GALNTL6: variants seen among roughly 807,000 people sequenced by gnomAD.
GALNTL6 encodes the protein polypeptide N-acetylgalactosaminyltransferase like 6.
GALNTL6 carries 46 observed loss-of-function variants against 73.7 expected under a neutral mutation model. The observed-to-expected ratio is 0.62, with a 90% confidence interval of 0.49 to 0.80. The LOEUF (loss-of-function observed/expected upper bound fraction) is 0.80. Ranked by LOEUF, GALNTL6 falls within the 30% of genes least tolerant of loss-of-function variation. The pLI is 0.00. For missense variants in GALNTL6, 604 were observed against 755.0 expected (o/e 0.80, Z 2.34); for synonymous variants, 259 against 263.7 (o/e 0.98, Z 0.17).
intron 2 of GALNTL6, among the ~76,000 whole-genome samples, chr4:172,010,501 AT>A: frequency 6.6e-6 from 1 of 152,168 alleles, no homozygotes; most frequent in East Asian, 1.9e-4. Flanking sequence ...AAGTGCATAC[AT>A]TTTTTTCACT....
intron 2 of GALNTL6, among the ~76,000 whole-genome samples, chr4:171,839,065 G>A (rs941262006): frequency 1.3e-5 from 2 of 151,860 alleles, no homozygotes; most frequent in Non-Finnish European, 2.9e-5. Context: ...AAAGTCCAGA[G>A]ATTTTTTTTT....
At chr4:172,772,189 G>T (rs1238190930) in intron 5 of GALNTL6, among the ~76,000 whole-genome samples, 1 of 152,120 alleles carries the variant, frequency 6.6e-6, no homozygotes, top group Non-Finnish European at 1.5e-5. Context: ...CCTCCCATCG[G>T]GTCCCTCCCA....
chr4:172,133,875 A>G (rs1470011819), intron 2 of GALNTL6, among the ~76,000 whole-genome samples: 3 of 152,240 alleles, frequency 2.0e-5, no homozygotes, highest in Non-Finnish European at 2.9e-5. Context: ...CACATGATAA[A>G]TTATCTGATT....
At chr4:172,022,525 C>T (rs72982601) in intron 2 of GALNTL6, among the ~76,000 whole-genome samples, 2,259 of 152,148 alleles carry the variant, frequency 0.015, 57 homozygotes, top group African/African-American at 0.047. Flanking sequence ...GCAACTGCTT[C>T]AGTATCATCA....
rs572400312 is a variant in GALNTL6 at position 172,624,802 on chromosome 4, T to C, written c.554-184559T>C. On this transcript the variant is annotated intron_variant, in intron 5 of 12. Coordinates refer to ENST00000506823, the MANE Select transcript of GALNTL6 (RefSeq NM_001034845.3). ...TTTTGTTTTTTCTTACCAGGTCTTT[T>C]TTTTCTTTTATTTCAACTTTTATTT... Among the ~76,000 whole-genome samples, 21 of 151,972 alleles carry C rather than the reference T, an allele frequency of 1.4e-4. No individual in the cohort carries two copies. In the East Asian group the frequency reaches 4.1e-3, roughly 29 times the overall value.
chr4:172,003,798 T>C (rs1398633469), intron 2 of GALNTL6, among the ~76,000 whole-genome samples: 1 of 152,108 alleles, frequency 6.6e-6, no homozygotes, highest in African/African-American at 2.4e-5. Flanking sequence ...ATTTCCATTA[T>C]ATTGTATGGC....
At chr4:172,666,655 A>C (rs1190282342) in intron 5 of GALNTL6, 1 of 152,160 alleles carries the variant, frequency 6.6e-6, no homozygotes, top group Non-Finnish European at 1.5e-5. Context: ...TCTTTAAAAA[A>C]CTTTTGTCTT....
chr4:172,522,433 GGC>G (rs1451790689), intron 5 of GALNTL6, among the ~76,000 whole-genome samples: 1 of 152,160 alleles, frequency 6.6e-6, no homozygotes, highest in Non-Finnish European at 1.5e-5. Flanking sequence ...CACTTTGGGA[GGC>G]TGAAGGGGGC....
chr4:172,640,789 T>G (rs2111120879), intron 5 of GALNTL6, among the ~76,000 whole-genome samples: 1 of 152,260 alleles, frequency 6.6e-6, no homozygotes, highest in Non-Finnish European at 1.5e-5. Context: ...TGTGAGTTTC[T>G]CCACTTCAAT....
rs529906404 is a variant in GALNTL6 at position 172,841,460 on chromosome 4, C to T, written c.923+27737C>T. 1.1e-4 allele frequency among the ~76,000 whole-genome samples: 16 copies of T among 152,168 alleles called. No homozygotes were observed. In the East Asian group the frequency reaches 1.7e-3, roughly 17 times the overall value. ...CCCAGGCAGCCCCAAAGTGTAATCT[C>T]GTAACTACTGTATTAGTCCATTTTC... On this transcript the variant is annotated intron_variant, in intron 7 of 12. Transcript: ENST00000506823.
At chr4:172,093,986 C>T (rs1364295042) in intron 2 of GALNTL6, among the ~76,000 whole-genome samples, 1 of 152,300 alleles carries the variant, frequency 6.6e-6, no homozygotes, top group East Asian at 1.9e-4. Flanking sequence ...CTTGAATCAT[C>T]TCCACTGCCC....
intron 5 of GALNTL6, among the ~76,000 whole-genome samples, chr4:172,713,068 T>C (rs560506663): frequency 6.6e-6 from 1 of 152,292 alleles, no homozygotes; most frequent in South Asian, 2.1e-4. Context: ...ATCTTTAGAA[T>C]TTATATTTGA....
chr4:171,973,255 G>C (rs1025135804), intron 2 of GALNTL6, among the ~76,000 whole-genome samples: 6 of 152,126 alleles, frequency 3.9e-5, no homozygotes, highest in African/African-American at 1.4e-4. Flanking sequence ...AAAAAAGGAG[G>C]AGGGCGTGTA....
intron 2 of GALNTL6, among the ~76,000 whole-genome samples, chr4:172,076,480 T>C (rs762575030): frequency 2.9e-4 from 44 of 152,204 alleles, no homozygotes; most frequent in Admixed American, 3.3e-4. Context: ...AGGGAAGATA[T>C]GAATTTATTA....
chr4:172,176,346 A>AAAAAAAAAAAAAAAAAAAAG (rs1463765997), intron 2 of GALNTL6, among the ~76,000 whole-genome samples: 1 of 147,800 alleles, frequency 6.8e-6, no homozygotes, highest in African/African-American at 2.5e-5. Flanking sequence ...TCAAAAAAAA[A>AAAAAAAAAAAAAAAAAAAAG]AAAAAAAAAA....
intron 8 of GALNTL6, among the ~76,000 whole-genome samples, chr4:172,890,395 C>A (rs1204738040): frequency 6.6e-6 from 1 of 151,948 alleles, no homozygotes; most frequent in African/African-American, 2.4e-5. Flanking sequence ...CTTTTTAATA[C>A]TGCTTGTGCT....
chr4:172,691,373 A>G (rs2111259051), intron 5 of GALNTL6, among the ~76,000 whole-genome samples: 1 of 152,308 alleles, frequency 6.6e-6, no homozygotes, highest in East Asian at 1.9e-4. Flanking sequence ...AGTACACCTA[A>G]TGATATATTT....
At chr4:172,039,759 G>A (rs1742033329) in intron 2 of GALNTL6, among the ~76,000 whole-genome samples, 1 of 152,108 alleles carries the variant, frequency 6.6e-6, no homozygotes, top group Admixed American at 6.6e-5. Context: ...TTAACCAATA[G>A]CATAAGGTTA....
intron 5 of GALNTL6, among the ~76,000 whole-genome samples, chr4:172,770,798 T>G (rs954307628): frequency 6.6e-6 from 1 of 152,190 alleles, no homozygotes; most frequent in Non-Finnish European, 1.5e-5. Context: ...ATTGATCTTG[T>G]TCTAATTACC....
Sources: allele counts gnomAD v4.1 joint callset (sites outside exome capture counted in the v4.1 genomes callset), GRCh38; gene constraint gnomAD v4.1.1; transcripts MANE v1.5; gene names NCBI Gene and HGNC (gene_info 2026-07-23, HGNC 2026-07-21).